Variants in CNTNAP4 observed in about 807,000 individuals in gnomAD.
CNTNAP4 encodes the protein contactin associated protein family member 4.
CNTNAP4 carries 98 observed loss-of-function variants against 148.4 expected under a neutral mutation model. The ratio of observed to expected loss-of-function variants is 0.66; its 90% CI spans 0.56 to 0.78. The LOEUF is 0.78. Ranked by LOEUF, CNTNAP4 falls within the 30% of genes least tolerant of loss-of-function variation. The pLI, the probability that CNTNAP4 is intolerant of heterozygous loss-of-function variation, is 0.00. For missense variants in CNTNAP4, 1,935 were observed against 1,565.6 expected, an observed-to-expected ratio of 1.24 and a Z score of -3.98; for synonymous variants, 730 against 565.1, an observed-to-expected ratio of 1.29 and a Z score of -4.14.
chr16:76,343,819 G>A (rs969085395), intron 2 of CNTNAP4, among the ~76,000 whole-genome samples: 2 of 151,996 alleles, frequency 1.3e-5, no homozygotes, highest in African/African-American at 4.8e-5. Flanking sequence ...AAATCTAAAT[G>A]TGTTAGTCCC....
chr16:76,553,328 G>T lies in CNTNAP4; in HGVS notation c.3488G>T (p.Gly1163Val). Residue 1163 changes from glycine to valine, a missense_variant, in exon 22 of 24, where the codon GGC (glycine) becomes GTC (valine). By Grantham distance (109) the Gly-to-Val change is moderately radical. Transcript: ENST00000611870. The stretch of plus-strand genomic sequence containing the variant: ...GATACTGCACTGGCAGGTGCGCAGG[G>T]CTTCACAGGCTGCCTCTCTGCAGTG... ...DQDTALAGAQ[G>V]FTGCLSAVQL... 2 of 1,613,006 alleles carry T rather than the reference G, an allele frequency of 1.2e-6. No homozygotes were observed. Among genetic ancestry groups the T allele is most frequent in the African/African-American group, 2.7e-5 (2 of 75,024 alleles).
intron 21 of CNTNAP4, among the ~76,000 whole-genome samples, chr16:76,549,141 C>T (rs956394176): frequency 3.9e-5 from 6 of 151,944 alleles, no homozygotes; most frequent in South Asian, 4.2e-4. Context: ...GAAGGAAGTC[C>T]GGGGGCCAGC....
intron 1 of CNTNAP4, among the ~76,000 whole-genome samples, chr16:76,287,052 C>G (rs750276135): frequency 3.3e-5 from 5 of 152,272 alleles, no homozygotes; most frequent in African/African-American, 1.2e-4. Context: ...GTTAAGAAAA[C>G]TTCATGCTCA....
chr16:76,432,626 A>G (rs1399050573), intron 4 of CNTNAP4: 5 of 152,210 alleles, frequency 3.3e-5, no homozygotes, highest in African/African-American at 1.2e-4. Flanking sequence ...AATGGTGAAC[A>G]AAGGAAAATA....
rs2082566844 is a variant in CNTNAP4, at chr16:76,500,072, GTACACC to G, written c.2365+1380_2365+1385del. On this transcript the variant is annotated intron_variant, in intron 15 of 23. Coordinates refer to ENST00000611870, the MANE Select transcript of CNTNAP4 (RefSeq NM_033401.5). ...TGGCCCGTTCTCAATGAGCTGTTGGGTACACCTCCCTGACGGGGTGGCGGCGGGGCA... is the reference window on the plus strand; with the variant it reads ...TGGCCCGTTCTCAATGAGCTGTTGGGTCCCTGACGGGGTGGCGGCGGGGCA... Among the ~76,000 whole-genome samples, 3 of 152,254 alleles carry G rather than the reference GTACACC, an allele frequency of 2.0e-5. No individual in the cohort carries two copies. The South Asian group carries it at 6.2e-4, about 32-fold the overall frequency.
intron 15 of CNTNAP4, among the ~76,000 whole-genome samples, chr16:76,502,248 A>G (rs1690091908): frequency 6.6e-6 from 1 of 152,058 alleles, no homozygotes; most frequent in African/African-American, 2.4e-5. Flanking sequence ...AGGACTAAGG[A>G]CTATTTTCTG....
chr16:76,334,124 ATACATGTG>A (rs1963804694), intron 2 of CNTNAP4, among the ~76,000 whole-genome samples: 1 of 151,906 alleles, frequency 6.6e-6, no homozygotes. Context: ...TGGCACATGT[ATACATGTG>A]TAACAAACCT....
At chr16:76,363,472 T>C (rs911397776) in intron 3 of CNTNAP4, among the ~76,000 whole-genome samples, 9 of 152,000 alleles carry the variant, frequency 5.9e-5, no homozygotes, top group African/African-American at 1.4e-4. Flanking sequence ...TGGACCCTTA[T>C]ACCGTATGCA....
chr16:76,498,571 A>G lies in CNTNAP4; in HGVS notation c.2242A>G (p.Asn748Asp), dbSNP rs201275602. Reference protein sequence around the residue: ...NCDADRNEWTNDTGLLAYKEH... With the variant: ...NCDADRNEWTDDTGLLAYKEH... ...GTTGTTGCTATTGTTTTTTAGGACCAATGACACTGGATTGCTTGCTTATAA... is the reference window on the plus strand; with the variant it reads ...GTTGTTGCTATTGTTTTTTAGGACCGATGACACTGGATTGCTTGCTTATAA... Residue 748 changes from asparagine to aspartate, a missense_variant, in exon 15 of 24, where the codon AAT becomes GAT. By Grantham distance (23) the Asn-to-Asp change is conservative. Coordinates refer to ENST00000611870, the MANE Select transcript of CNTNAP4 (RefSeq NM_033401.5). 1.2e-5 allele frequency: 20 copies of G among 1,609,984 alleles called. No individual in the cohort carries two copies. The African/African-American group carries it at 2.1e-4, about 17-fold the overall frequency.
intron 4 of CNTNAP4, among the ~76,000 whole-genome samples, chr16:76,446,387 TA>T (rs1217627367): frequency 6.6e-6 from 1 of 152,152 alleles, no homozygotes; most frequent in East Asian, 1.9e-4. Context: ...GTAATTGCCT[TA>T]AAAAAATCTT....
At chr16:76,356,022 C>T (rs2012582448) in intron 3 of CNTNAP4, among the ~76,000 whole-genome samples, 3 of 151,774 alleles carry the variant, frequency 2.0e-5, no homozygotes, top group African/African-American at 7.3e-5. Flanking sequence ...TTATAGTCGC[C>T]CACAACCACA....
At chr16:76,334,666 A>G (rs1300643791) in intron 2 of CNTNAP4, among the ~76,000 whole-genome samples, 2 of 152,144 alleles carry the variant, frequency 1.3e-5, no homozygotes, top group Non-Finnish European at 2.9e-5. Context: ...CTCATTATTA[A>G]TGTTATCCTT....
intron 15 of CNTNAP4, among the ~76,000 whole-genome samples, chr16:76,514,241 A>G (rs1459924862): frequency 6.6e-6 from 1 of 152,210 alleles, no homozygotes; most frequent in Non-Finnish European, 1.5e-5. Context: ...TGGCAAACTT[A>G]GATAAGTGTT....
chr16:76,320,428 T>C (rs571614065), intron 2 of CNTNAP4, among the ~76,000 whole-genome samples: 1 of 152,308 alleles, frequency 6.6e-6, no homozygotes, highest in Non-Finnish European at 1.5e-5. Flanking sequence ...CTATTCATAT[T>C]GCAGAAGATG....
intron 3 of CNTNAP4, among the ~76,000 whole-genome samples, chr16:76,373,893 C>G (rs1359984977): frequency 3.4e-5 from 3 of 87,932 alleles, no homozygotes; most frequent in African/African-American, 1.5e-4. Flanking sequence ...GAAACTCCAT[C>G]TCACAAAAAA....
intron 1 of CNTNAP4, among the ~76,000 whole-genome samples, chr16:76,314,491 G>A (rs1447902298): frequency 6.6e-6 from 1 of 152,142 alleles, no homozygotes; most frequent in Non-Finnish European, 1.5e-5. Context: ...AAGATCATGG[G>A]GAGATGAGCT....
intron 3 of CNTNAP4, among the ~76,000 whole-genome samples, chr16:76,397,983 T>G: frequency 1.5e-5 from 1 of 67,840 alleles, no homozygotes; most frequent in Non-Finnish European, 2.8e-5. Flanking sequence ...TATATATATA[T>G]ATATATATAT....
At chr16:76,289,700 T>A (rs1220659344) in intron 1 of CNTNAP4, among the ~76,000 whole-genome samples, 1 of 151,888 alleles carries the variant, frequency 6.6e-6, no homozygotes, top group Non-Finnish European at 1.5e-5. Flanking sequence ...TAGTCTCCCA[T>A]GTAGTGACTA....
At chr16:76,329,958 T>C (rs1487652622) in intron 2 of CNTNAP4, among the ~76,000 whole-genome samples, 1 of 152,236 alleles carries the variant, frequency 6.6e-6, no homozygotes, top group Admixed American at 6.5e-5. Flanking sequence ...CCTCCTTAAA[T>C]GTGCCTGTCC....
Sources: allele counts gnomAD v4.1 joint callset (sites outside exome capture counted in the v4.1 genomes callset), GRCh38; gene constraint gnomAD v4.1.1; transcripts MANE v1.5; gene names NCBI Gene and HGNC (gene_info 2026-07-23, HGNC 2026-07-21).